Variants in ACSBG2 observed in about 807,000 individuals in gnomAD.
ACSBG2 encodes acyl-CoA synthetase bubblegum family member 2.
In ACSBG2, 62 loss-of-function variants were observed where a neutral mutation model predicts 74.7. That is an observed-to-expected ratio of 0.83 (90% CI 0.68 to 1.03). The LOEUF (loss-of-function observed/expected upper bound fraction) is 1.03. Among genes scored for constraint, ACSBG2 ranks in the 50% least tolerant of loss-of-function variants. ACSBG2 has a pLI of 0.00. For synonymous variants in ACSBG2, 309 were observed against 294.1 expected (o/e 1.05, Z -0.52); for missense variants, 730 against 817.6 (o/e 0.89, Z 1.31).
At chr19:6,176,481 A>T in intron 7 of ACSBG2, 3 of 1,206,746 alleles carry the variant, frequency 2.5e-6, no homozygotes, top group Non-Finnish European at 3.4e-6. Context: ...CCTTATACTG[A>T]CTTATGAAAA....
At chr19:6,167,835 T>C (rs888921823) in intron 7 of ACSBG2, among the ~76,000 whole-genome samples, 23 of 152,322 alleles carry the variant, frequency 1.5e-4, no homozygotes, top group African/African-American at 4.6e-4. Context: ...AGTTCAGACA[T>C]TACAGAAGCC....
At chr19:6,182,963 T>C in intron 9 of ACSBG2, 31 bp downstream of exon 9, 1 of 1,612,348 alleles carries the variant, frequency 6.2e-7, no homozygotes, top group Non-Finnish European at 8.5e-7. Flanking sequence ...GCTGGGAGGG[T>C]AGTTGGTGAG....
rs547084046 is a variant in ACSBG2, at chr19:6,154,402, A to AAGAGAGAGAGAG, written c.387-2009_387-1998dup. ...AACAAGAGCAAAACTCCGTCTCAAA[A>AAGAGAGAGAGAG]AGAGAGAGAGAGAGAGAGAGAGAGA... On this transcript the variant is annotated intron_variant, in intron 4 of 14. Coordinates refer to ENST00000588485, the MANE Select transcript of ACSBG2 (RefSeq NM_030924.5). 5.2e-3 allele frequency among the ~76,000 whole-genome samples: 434 copies of AAGAGAGAGAGAG among 83,258 alleles called. 4 individuals are homozygous for AAGAGAGAGAGAG. Among genetic ancestry groups the AAGAGAGAGAGAG allele is most frequent in the Non-Finnish European group, 7.2e-3 (294 of 40,718 alleles). The allele number at this position is 83,258 out of a possible 152,430, so 54.6% of individuals were successfully genotyped here.
At chr19:6,151,469 G>A (rs899945379) in intron 3 of ACSBG2, among the ~76,000 whole-genome samples, 3 of 151,982 alleles carry the variant, frequency 2.0e-5, no homozygotes, top group Non-Finnish European at 4.4e-5. Context: ...CACCATGCCC[G>A]GCGAACTTTT....
chr19:6,176,155 A>T (rs2090081716), intron 7 of ACSBG2: 2 of 483,004 alleles, frequency 4.1e-6, no homozygotes, highest in Non-Finnish European at 6.7e-6. Context: ...CTCCCTGATT[A>T]AAAAAACCGT....
At position 6,151,745 on chromosome 19, in the gene ACSBG2, G is replaced by A. The variant is rs751575084; in HGVS notation, c.336G>A (p.Gly112=). The change falls in exon 4 of 15, where the codon GGG becomes GGA. Residue 112 remains glycine, a synonymous_variant. Coordinates refer to ENST00000588485, the MANE Select transcript of ACSBG2 (RefSeq NM_030924.5). ...GTTTCCACGGAGTTGGTATCCTGGG[G>A]TTTAACTCTGCAGAGTGGTTTATCA... ...LERFHGVGIL[G]FNSAEWFITA... is the part of the protein sequence containing the mutation. The A allele has an allele frequency of 2.5e-6, 4 of 1,603,628 alleles. No homozygotes were observed. The highest frequency in any genetic ancestry group is 3.4e-5 in the Admixed American group (2 of 58,090).
rs118006128 is a variant in ACSBG2 at position 6,164,999 on chromosome 19, G to A, written c.589-867G>A. Among the ~76,000 whole-genome samples the A allele has an allele frequency of 8.5e-3, 1,289 of 152,346 alleles. 11 individuals are homozygous for A. The highest frequency in any genetic ancestry group is 0.012 in the East Asian group (60 of 5,192). The stretch of plus-strand genomic sequence containing the variant: ...AGCCTCAGCTTCTTCACCTGCCAGA[G>A]TGAGGCAATGCATCAATTATCAATA... On this transcript the variant is annotated intron_variant, in intron 6 of 14. Transcript: ENST00000588485.
At position 6,147,572 on chromosome 19, in the gene ACSBG2, G is replaced by A. The variant is rs767062226; in HGVS notation, c.194G>A (p.Gly65Glu). 16 of 1,614,126 alleles carry A rather than the reference G, an allele frequency of 9.9e-6. No homozygotes were observed. In the East Asian group the frequency reaches 3.6e-4, roughly 36 times the overall value. ...EFFRESVNRF[G>E]TYPALASKNG... ...TTTCGAGAGTCAGTCAACCGATTTGGAACTTATCCAGCCCTCGCATCCAAG... is the reference window on the plus strand; with the variant it reads ...TTTCGAGAGTCAGTCAACCGATTTGAAACTTATCCAGCCCTCGCATCCAAG... The change falls in exon 3 of 15, where the codon GGA (glycine) becomes GAA (glutamate). Residue 65 changes from glycine (G) to glutamate (E), a missense_variant. Transcript: ENST00000588485.
rs146938853 is a variant in ACSBG2, at chr19:6,166,040, G to A, written c.738+25G>A. ...CGTACGCCAAAGTCCCTTTGCTCTG[G>A]AGTGGTGGCCTTTGGGCTGTTTCTC... On this transcript the variant is annotated intron_variant, in intron 7 of 14. Coordinates refer to ENST00000588485, the MANE Select transcript of ACSBG2 (RefSeq NM_030924.5). 9.9e-3 allele frequency: 15,951 copies of A among 1,612,720 alleles called. 107 individuals carry two copies. The highest frequency in any genetic ancestry group is 0.018 in the East Asian group (790 of 44,820).
chr19:6,146,738 C>T (rs1395103915), intron 2 of ACSBG2, among the ~76,000 whole-genome samples: 1 of 151,704 alleles, frequency 6.6e-6, no homozygotes, highest in East Asian at 1.9e-4. Flanking sequence ...GTACTCCAAC[C>T]TGGGCAAGAA....
chr19:6,182,870 G>C lies in ACSBG2; in HGVS notation c.1026G>C (p.Lys342Asn). The C allele has an allele frequency of 6.2e-7, 1 of 1,614,174 alleles. No homozygotes were observed. Among genetic ancestry groups the C allele is most frequent in the Non-Finnish European group, 8.5e-7 (1 of 1,180,032 alleles). The change falls in exon 9 of 15, where the codon AAG becomes AAC. Residue 342 changes from lysine (K) to asparagine (N), a missense_variant. Physicochemically the swap from Lys to Asn is moderately conservative, Grantham distance 94. Coordinates refer to ENST00000588485, the MANE Select transcript of ACSBG2 (RefSeq NM_030924.5). ...KKNSAKSMGLKKKAFVWARNI... is the reference protein window; with the variant it reads ...KKNSAKSMGLNKKAFVWARNI... The stretch of plus-strand genomic sequence containing the variant: ...ATAGTGCCAAGTCCATGGGCTTGAA[G>C]AAGAAGGCATTCGTGTGGGCAAGAA...
In ACSBG2 at chr19:6,192,272, G is replaced by A. The variant is rs150480842; in HGVS notation, c.*36-396G>A. ...CTGTTGCTCAGGCTAGAGTGCAGTG[G>A]TGCATTCATACCTAATGTTTTAAAT... On this transcript the variant is annotated intron_variant, in intron 14 of 14. Coordinates refer to ENST00000588485, the MANE Select transcript of ACSBG2 (RefSeq NM_030924.5). Among the ~76,000 whole-genome samples the A allele has an allele frequency of 5.8e-3, 883 of 152,174 alleles. 2 individuals carry two copies. Among genetic ancestry groups the A allele is most frequent in the African/African-American group, 0.02 (845 of 41,506 alleles).
chr19:6,185,696 C>T (rs1568256174), intron 11 of ACSBG2, 43 bp downstream of exon 11: 1 of 1,603,644 alleles, frequency 6.2e-7, no homozygotes, highest in South Asian at 1.1e-5. Context: ...GCAAGCAGGC[C>T]CACCCTGAAC....
chr19:6,187,719 C>G lies in ACSBG2; in HGVS notation c.1801C>G (p.Pro601Ala). The G allele has an allele frequency of 6.2e-7, 1 of 1,614,110 alleles. No homozygotes were observed. The highest frequency in any genetic ancestry group is 8.5e-7 in the Non-Finnish European group (1 of 1,180,008). The change falls in exon 13 of 15, where the codon CCC (proline) becomes GCC (alanine). Residue 601 changes from proline to alanine, a missense_variant. By Grantham distance (27) the Pro-to-Ala change is conservative. Coordinates refer to ENST00000588485, the MANE Select transcript of ACSBG2 (RefSeq NM_030924.5). ...TVTEIVKQQD[P>A]LVYKAIQQGI... ...GACTGAGATTGTGAAGCAGCAAGAC[C>G]CCCTGGTCTACAAGGCCATCCAGCA...
At chr19:6,154,263 T>C (rs1273981646) in intron 4 of ACSBG2, among the ~76,000 whole-genome samples, 1 of 151,030 alleles carries the variant, frequency 6.6e-6, no homozygotes, top group African/African-American at 2.4e-5. Context: ...CCAGGCGTAG[T>C]GGCACATGCC....
chr19:6,155,527 C>T (rs1192232891), intron 4 of ACSBG2, among the ~76,000 whole-genome samples: 4 of 152,188 alleles, frequency 2.6e-5, no homozygotes, highest in African/African-American at 4.8e-5. Flanking sequence ...TGGTGGCTCA[C>T]GCCTGGAATC....
chr19:6,183,299 C>A, intron 10 of ACSBG2, 27 bp downstream of exon 10: 1 of 1,600,416 alleles, frequency 6.2e-7, no homozygotes, highest in Non-Finnish European at 8.6e-7. Context: ...CAGACCCCTG[C>A]TCCTCCCATA....
At chr19:6,147,364 C>A in intron 2 of ACSBG2, 82 bp from the exon 3 acceptor site, 1 of 1,206,604 alleles carries the variant, frequency 8.3e-7, no homozygotes, top group Non-Finnish European at 1.2e-6. Context: ...ACCTTAGGTC[C>A]AAAAAGACAC....
intron 13 of ACSBG2, among the ~76,000 whole-genome samples, chr19:6,188,235 C>G (rs1274676199): frequency 6.6e-6 from 1 of 152,182 alleles, no homozygotes; most frequent in Non-Finnish European, 1.5e-5. Flanking sequence ...AGGTCTCACC[C>G]TACAGGCCTC....
Sources: gnomAD v4.1 joint callset for allele counts (sites outside exome capture counted in the v4.1 genomes callset) on GRCh38, gnomAD v4.1.1 for gene constraint, MANE v1.5 for transcripts, NCBI Gene and HGNC (gene_info 2026-07-23, HGNC 2026-07-21) for gene names.